Variants in ATF2 observed in about 807,000 individuals in gnomAD.
ATF2 encodes activating transcription factor 2.
A neutral mutation model predicts 60.6 loss-of-function variants in ATF2; 24 were observed. That is an observed-to-expected ratio of 0.40 (90% CI 0.29 to 0.56). The LOEUF (loss-of-function observed/expected upper bound fraction) is 0.56, where lower values mean the gene tolerates loss of function less well. Among genes scored for constraint, ATF2 ranks in the 20% least tolerant of loss-of-function variants. ATF2 has a pLI of 0.54. For missense variants in ATF2, 433 were observed against 607.7 expected, an observed-to-expected ratio of 0.71 and a Z score of 3.02; for synonymous variants, 206 against 215.4, an observed-to-expected ratio of 0.96 and a Z score of 0.38.
chr2:175,093,036 C>T (rs1428320516), intron 12 of ATF2, 25 bp downstream of exon 12: 10 of 1,583,098 alleles, frequency 6.3e-6, no homozygotes, highest in Non-Finnish European at 7.7e-6. Context: ...AGAAATAAAA[C>T]AAAATTCACA....
Sources: gnomAD v4.1 joint callset for allele counts on GRCh38, gnomAD v4.1.1 for gene constraint, MANE v1.5 for transcripts, NCBI Gene and HGNC (gene_info 2026-07-23, HGNC 2026-07-21) for gene names.